Variants in MACROD2 observed in about 807,000 individuals in gnomAD.
MACROD2 encodes ADP-ribose glycohydrolase MACROD2.
In MACROD2, 36 loss-of-function variants were observed where a neutral mutation model predicts 70.4. The observed-to-expected ratio is 0.51, with a 90% CI of 0.39 to 0.68. The LOEUF (loss-of-function observed/expected upper bound fraction) is 0.68, where lower values mean the gene tolerates loss of function less well. MACROD2 is among the 30% of genes least tolerant of loss of function. The pLI, the probability that MACROD2 is intolerant of heterozygous loss-of-function variation, is 0.00. For missense variants in MACROD2, 496 were observed against 538.4 expected (o/e 0.92, Z 0.78); for synonymous variants, 172 against 178.8 (o/e 0.96, Z 0.30).
At chr20:15,457,410 A>G (rs1371706232) in intron 7 of MACROD2, among the ~76,000 whole-genome samples, 1 of 152,108 alleles carries the variant, frequency 6.6e-6, no homozygotes, top group Admixed American at 6.6e-5. Context: ...ATCAGGCATA[A>G]TCTCATAATG....
chr20:14,841,535 A>AC (rs1191727123), intron 5 of MACROD2, among the ~76,000 whole-genome samples: 3 of 151,758 alleles, frequency 2.0e-5, no homozygotes, highest in Non-Finnish European at 4.4e-5. Flanking sequence ...AGGAAAAAAA[A>AC]AAGAATATAG....
At chr20:15,066,772 C>T (rs2075579115) in intron 5 of MACROD2, among the ~76,000 whole-genome samples, 1 of 151,770 alleles carries the variant, frequency 6.6e-6, no homozygotes, top group South Asian at 2.1e-4. Context: ...ATTCCAGCTA[C>T]TCAGGAGGCT....
intron 3 of MACROD2, among the ~76,000 whole-genome samples, chr20:14,381,968 A>T (rs2083424521): frequency 6.6e-6 from 1 of 152,190 alleles, no homozygotes; most frequent in Admixed American, 6.5e-5. Flanking sequence ...GGCTCTGAAG[A>T]ACATGGTCAT....
intron 8 of MACROD2, among the ~76,000 whole-genome samples, chr20:15,561,063 C>T (rs2048237289): frequency 1.3e-5 from 2 of 152,272 alleles, no homozygotes; most frequent in South Asian, 4.1e-4. Flanking sequence ...CTGTGATACT[C>T]TTGGTGTAGT....
chr20:14,694,660 C>T (rs1032564182), intron 5 of MACROD2, among the ~76,000 whole-genome samples: 1 of 151,978 alleles, frequency 6.6e-6, no homozygotes, highest in Non-Finnish European at 1.5e-5. Context: ...TGAGCTTTGC[C>T]AATAAACTTT....
intron 5 of MACROD2, among the ~76,000 whole-genome samples, chr20:15,007,714 C>T (rs1006450359): frequency 6.6e-6 from 1 of 152,226 alleles, no homozygotes; most frequent in Non-Finnish European, 1.5e-5. Flanking sequence ...GGAACTGGGC[C>T]ACCAGGGTTG....
chr20:15,950,675 G>A (rs73900841), intron 12 of MACROD2, among the ~76,000 whole-genome samples: 1,557 of 152,158 alleles, frequency 0.01, 16 homozygotes, highest in African/African-American at 0.03. Flanking sequence ...CAACACGGTG[G>A]GGCTCTTGCT....
At chr20:14,536,211 T>C (rs1435827312) in intron 4 of MACROD2, among the ~76,000 whole-genome samples, 2 of 152,286 alleles carry the variant, frequency 1.3e-5, no homozygotes, top group African/African-American at 4.8e-5. Context: ...GTGATCTCCA[T>C]TTAATATAAA....
chr20:15,277,851 G>A (rs2146081520), intron 6 of MACROD2, among the ~76,000 whole-genome samples: 1 of 152,290 alleles, frequency 6.6e-6, no homozygotes. Flanking sequence ...GGGGAGGTGA[G>A]TCGCAGACTC....
intron 5 of MACROD2, among the ~76,000 whole-genome samples, chr20:14,712,647 T>C (rs1179242369): frequency 1.3e-5 from 2 of 152,188 alleles, no homozygotes; most frequent in African/African-American, 4.8e-5. Flanking sequence ...CTGATTCAAA[T>C]AGATTTTAAT....
intron 8 of MACROD2, among the ~76,000 whole-genome samples, chr20:15,816,247 G>C (rs1453481510): frequency 6.6e-6 from 1 of 152,104 alleles, no homozygotes; most frequent in African/African-American, 2.4e-5. Context: ...TAATGCAGCT[G>C]CTTCTTCCAC....
chr20:14,455,013 A>G (rs570734008), intron 3 of MACROD2, among the ~76,000 whole-genome samples: 4 of 150,134 alleles, frequency 2.7e-5, no homozygotes, highest in South Asian at 4.2e-4. Flanking sequence ...TGGCCTCCCA[A>G]TCTGTCTCTA....
intron 15 of MACROD2, among the ~76,000 whole-genome samples, chr20:16,014,986 G>A (rs1404297022): frequency 6.6e-6 from 1 of 152,140 alleles, no homozygotes; most frequent in African/African-American, 2.4e-5. Flanking sequence ...TTATTTTGCT[G>A]TTGGACATCA....
In MACROD2 at chr20:14,743,043, G is replaced by A. The variant is rs6110416; in HGVS notation, c.418+58084G>A. On this transcript the variant is annotated intron_variant, in intron 5 of 17. Transcript: ENST00000684519. ...GGCCTCCCAAATTGCTGGGATTACAGGTGTGAGCCACCGCGCCCGGCCTAT... is the reference window on the plus strand; with the variant it reads ...GGCCTCCCAAATTGCTGGGATTACAAGTGTGAGCCACCGCGCCCGGCCTAT... Among the ~76,000 whole-genome samples, 6 of 152,232 alleles carry A rather than the reference G, an allele frequency of 3.9e-5. No homozygotes were observed. In the South Asian group the frequency reaches 1.2e-3, roughly 32 times the overall value.
At chr20:14,346,257 A>C (rs2083063305) in intron 3 of MACROD2, among the ~76,000 whole-genome samples, 1 of 152,202 alleles carries the variant, frequency 6.6e-6, no homozygotes. Context: ...TTTTTAATCC[A>C]TATGAATAGC....
At chr20:15,206,891 C>T (rs1226630710) in intron 5 of MACROD2, among the ~76,000 whole-genome samples, 2 of 150,984 alleles carry the variant, frequency 1.3e-5, no homozygotes, top group South Asian at 2.1e-4. Flanking sequence ...CGCCCGCCAC[C>T]GCGCCCGGCT....
chr20:15,111,572 T>G (rs1269878579), intron 5 of MACROD2, among the ~76,000 whole-genome samples: 1 of 152,202 alleles, frequency 6.6e-6, no homozygotes. Flanking sequence ...AGAGTTTGAA[T>G]GCTGGAATAT....
At position 14,977,354 on chromosome 20, in the gene MACROD2, T is replaced by C. The variant is rs183300016; in HGVS notation, c.419-252586T>C. On this transcript the variant is annotated intron_variant, in intron 5 of 17. Coordinates refer to ENST00000684519, the MANE Select transcript of MACROD2 (RefSeq NM_001351661.2). ...AGCACCCAACTTAGCTTCTTCTTTT[T>C]ATGCTGTTTTCTTCTGGCCTCTGAG... is the stretch of plus-strand genomic sequence containing the variant. 6.5e-4 allele frequency among the ~76,000 whole-genome samples: 98 copies of C among 151,780 alleles called. 3 individuals carry two copies. In the East Asian group the frequency reaches 0.011, roughly 17 times the overall value.
intron 12 of MACROD2, among the ~76,000 whole-genome samples, chr20:15,953,170 T>A (rs1026877934): frequency 6.6e-6 from 1 of 151,994 alleles, no homozygotes; most frequent in African/African-American, 2.4e-5. Context: ...GTTGGTCTCA[T>A]AGAAGTAAAA....
Sources: allele counts gnomAD v4.1 joint callset (sites outside exome capture counted in the v4.1 genomes callset), GRCh38; gene constraint gnomAD v4.1.1; transcripts MANE v1.5; gene names NCBI Gene and HGNC (gene_info 2026-07-23, HGNC 2026-07-21).